ANGPT1: variants seen among roughly 807,000 people sequenced by gnomAD.
The protein encoded by ANGPT1 is angiopoietin-1.
ANGPT1 carries 17 observed loss-of-function variants against 62.2 expected under a neutral mutation model. The observed-to-expected ratio is 0.27, with a 90% confidence interval of 0.19 to 0.41. The LOEUF is 0.41. Ranked by LOEUF, ANGPT1 falls within the 10% of genes least tolerant of loss-of-function variation. The pLI is 1.00. For synonymous variants in ANGPT1, 199 were observed against 198.9 expected (o/e 1.00, Z 0.00); for missense variants, 478 against 594.9 (o/e 0.80, Z 2.04).
chr8:107,265,759 G>C (rs1441158013), intron 7 of ANGPT1, among the ~76,000 whole-genome samples: 1 of 151,960 alleles, frequency 6.6e-6, no homozygotes, highest in Non-Finnish European at 1.5e-5. Flanking sequence ...CTAAAACCTA[G>C]GCTGGCTCTG....
chr8:107,352,011 C>T (rs2514850), intron 1 of ANGPT1, among the ~76,000 whole-genome samples: 34,851 of 152,006 alleles, frequency 0.23, 4,929 homozygotes, highest in African/African-American at 0.38. Flanking sequence ...GTTAAGTAAA[C>T]TGTCTAAGAT....
chr8:107,481,785 A>C (rs1332092371), intron 1 of ANGPT1, among the ~76,000 whole-genome samples: 1 of 152,074 alleles, frequency 6.6e-6, no homozygotes, highest in Non-Finnish European at 1.5e-5. Context: ...GCCCCTTATA[A>C]AACCATCAGA....
chr8:107,374,369 C>T (rs1281441551), intron 1 of ANGPT1, among the ~76,000 whole-genome samples: 1 of 152,178 alleles, frequency 6.6e-6, no homozygotes, highest in Non-Finnish European at 1.5e-5. Context: ...TGGCAGTTCT[C>T]ATGAGGAAAT....
In ANGPT1 at chr8:107,302,897, T is replaced by G. The variant is rs566363864; in HGVS notation, c.936+343A>C. On this transcript the variant is annotated intron_variant, in intron 5 of 8. Transcript: ENST00000517746. ...GGATAATGTGTGTTCTCTGGATTGT[T>G]GGGTCTTTGGAAGATGGCTTCTCTT... is the stretch of plus-strand genomic sequence containing the variant. Among the ~76,000 whole-genome samples, 144 of 152,024 alleles carry G rather than the reference T, an allele frequency of 9.5e-4. 1 individual carries two copies. Among genetic ancestry groups the G allele is most frequent in the Middle Eastern group, 3.4e-3 (1 of 294 alleles).
intron 5 of ANGPT1, among the ~76,000 whole-genome samples, chr8:107,299,404 T>C (rs1814500536): frequency 7.1e-6 from 1 of 140,964 alleles, no homozygotes; most frequent in Non-Finnish European, 1.5e-5. Context: ...TATATATATA[T>C]ATATATATAT....
intron 1 of ANGPT1, among the ~76,000 whole-genome samples, chr8:107,365,761 C>T (rs969846221): frequency 6.6e-6 from 1 of 151,900 alleles, no homozygotes; most frequent in African/African-American, 2.4e-5. Flanking sequence ...AAAACATAAA[C>T]ATAACTAAGT....
Position 107,496,908 on chromosome 8 carries a change from T to G in ANGPT1, c.297+354A>C, listed in dbSNP as rs139326880. ...ATCTTATTAATTAATATTGTCATTATTATTTATTTTTCACCAACTTGCTTA... is the reference window on the plus strand; with the variant it reads ...ATCTTATTAATTAATATTGTCATTAGTATTTATTTTTCACCAACTTGCTTA... On this transcript the variant is annotated intron_variant, in intron 1 of 8. Coordinates refer to ENST00000517746, the MANE Select transcript of ANGPT1 (RefSeq NM_001146.5). Among the ~76,000 whole-genome samples, 31 of 152,360 alleles carry G rather than the reference T, an allele frequency of 2.0e-4. No homozygotes were observed. The East Asian group carries it at 6.0e-3, about 29-fold the overall frequency.
chr8:107,364,971 G>GA (rs5893850), intron 1 of ANGPT1, among the ~76,000 whole-genome samples: 69,203 of 150,410 alleles, frequency 0.46, 17,173 homozygotes, highest in Admixed American at 0.58. Context: ...GCAGAAGGGG[G>GA]AAAAAAAAAG....
intron 4 of ANGPT1, among the ~76,000 whole-genome samples, chr8:107,316,186 C>T (rs962558317): frequency 2.0e-5 from 3 of 152,152 alleles, no homozygotes; most frequent in African/African-American, 7.2e-5. Flanking sequence ...ATTTCTTCCA[C>T]TTACTTTTCC....
intron 8 of ANGPT1, among the ~76,000 whole-genome samples, chr8:107,252,377 C>G (rs1039625775): frequency 6.6e-6 from 1 of 152,114 alleles, no homozygotes. Context: ...TGCATATACC[C>G]ATAAGAGGCA....
chr8:107,340,466 C>T (rs1815670637), intron 2 of ANGPT1, among the ~76,000 whole-genome samples: 1 of 151,902 alleles, frequency 6.6e-6, no homozygotes, highest in Non-Finnish European at 1.5e-5. Context: ...ACCCAGCTCC[C>T]TTTAATATTT....
chr8:107,482,547 A>G (rs1812717338), intron 1 of ANGPT1, among the ~76,000 whole-genome samples: 1 of 152,190 alleles, frequency 6.6e-6, no homozygotes, highest in African/African-American at 2.4e-5. Context: ...GTAGTGCACA[A>G]GATGGGAATT....
At chr8:107,486,694 C>T (rs1409295386) in intron 1 of ANGPT1, among the ~76,000 whole-genome samples, 1 of 152,062 alleles carries the variant, frequency 6.6e-6, no homozygotes, top group African/African-American at 2.4e-5. Flanking sequence ...AGTGAAGAAG[C>T]TTGCCCAAGG....
intron 1 of ANGPT1, among the ~76,000 whole-genome samples, chr8:107,440,282 AT>A (rs1203866864): frequency 1.3e-5 from 2 of 151,980 alleles, no homozygotes; most frequent in Non-Finnish European, 2.9e-5. Flanking sequence ...TTTTAATTAC[AT>A]TTTTTTAAAG....
intron 2 of ANGPT1, among the ~76,000 whole-genome samples, chr8:107,345,085 C>A (rs1215538575): frequency 6.6e-6 from 1 of 152,180 alleles, no homozygotes; most frequent in African/African-American, 2.4e-5. Flanking sequence ...ATAGGCGTCA[C>A]TTCTTAAGGT....
At chr8:107,495,634 A>T (rs774889544) in intron 1 of ANGPT1, among the ~76,000 whole-genome samples, 4 of 152,208 alleles carry the variant, frequency 2.6e-5, no homozygotes, top group Admixed American at 6.5e-5. Context: ...GTTCCCTCAA[A>T]GAATCCAGAC....
chr8:107,411,963 C>T (rs1810594734), intron 1 of ANGPT1, among the ~76,000 whole-genome samples: 2 of 152,122 alleles, frequency 1.3e-5, no homozygotes, highest in African/African-American at 4.8e-5. Context: ...CAGGGTTTCT[C>T]AGCTTGTACA....
At chr8:107,413,520 A>G (rs1810647427) in intron 1 of ANGPT1, among the ~76,000 whole-genome samples, 2 of 151,828 alleles carry the variant, frequency 1.3e-5, no homozygotes, top group Admixed American at 6.6e-5. Context: ...GATAAATAAG[A>G]TTTAGTGAAC....
intron 2 of ANGPT1, among the ~76,000 whole-genome samples, chr8:107,338,120 A>C (rs888288553): frequency 1.3e-5 from 2 of 152,070 alleles, no homozygotes; most frequent in Non-Finnish European, 2.9e-5. Context: ...AATAAAAAAC[A>C]AAATACACCA....
Sources: gnomAD v4.1 joint callset for allele counts (sites outside exome capture counted in the v4.1 genomes callset) on GRCh38, gnomAD v4.1.1 for gene constraint, MANE v1.5 for transcripts, NCBI Gene and HGNC (gene_info 2026-07-23, HGNC 2026-07-21) for gene names.